ABHD13: variants seen among roughly 807,000 people sequenced by gnomAD.
The protein encoded by ABHD13 is abhydrolase domain containing 13.
In ABHD13, 7 loss-of-function variants were observed where a neutral mutation model predicts 25.2. The ratio of observed to expected loss-of-function variants is 0.28; its 90% CI spans 0.16 to 0.52. The LOEUF is 0.52. ABHD13 is among the 20% of genes least tolerant of loss of function. ABHD13 has a pLI of 0.96. For synonymous variants in ABHD13, 133 were observed against 136.1 expected (o/e 0.98, Z 0.16); for missense variants, 302 against 402.7 (o/e 0.75, Z 2.14).
At chr13:108,223,665 T>C (rs1227569116) in intron 1 of ABHD13, among the ~76,000 whole-genome samples, 2 of 152,224 alleles carry the variant, frequency 1.3e-5, no homozygotes, top group Non-Finnish European at 1.5e-5. Context: ...GCATCATTAG[T>C]GCAAGTGTCA....
Position 108,229,437 on chromosome 13 carries a change from T to G in ABHD13, c.219T>G (p.Ser73=). The G allele has an allele frequency of 6.2e-7, 1 of 1,613,364 alleles. No homozygotes were observed. The highest frequency in any genetic ancestry group is 8.5e-7 in the Non-Finnish European group (1 of 1,179,558). ...VLLYFPEQPS[S]SRLYVPMPTG... ...TTTATTTTCCAGAACAGCCATCCTC[T>G]TCACGTCTTTATGTTCCCATGCCCA... Residue 73 remains serine (S), a synonymous_variant, in exon 2 of 2, where the codon TCT becomes TCG. Coordinates refer to ENST00000375898, the MANE Select transcript of ABHD13 (RefSeq NM_032859.3). The surrounding 1 kb of genome is among the most constrained non-coding windows in gnomAD (Gnocchi z 4.7).
chr13:108,231,983 T>G lies in ABHD13; in HGVS notation c.*1751T>G, dbSNP rs1192682546. On this transcript the variant is annotated 3_prime_UTR_variant, in exon 2 of 2. Coordinates refer to ENST00000375898, the MANE Select transcript of ABHD13 (RefSeq NM_032859.3). ...TCACCACAATTAAAGATTATTCTTG[T>G]CAGTCCTTGCTATGTAGAATGACTA... The G allele has an allele frequency of 3.6e-5, 6 of 166,896 alleles. No individual in the cohort carries two copies. The highest frequency in any genetic ancestry group is 7.2e-5 in the African/African-American group (3 of 41,456). The allele number at this position is 166,896 out of a possible 1,614,324, so 10.3% of individuals were successfully genotyped here.
Position 108,229,482 on chromosome 13 carries a change from C to G in ABHD13, c.264C>G (p.Asn88Lys), listed in dbSNP as rs1345161020. ...TGCCCACTGGCATTCCACATGAAAA[C>G]ATTTTCATCAGAACCAAAGATGGAA... ...VPMPTGIPHE[N>K]IFIRTKDGIR... The change falls in exon 2 of 2, where the codon AAC becomes AAG. Residue 88 changes from asparagine (N) to lysine (K), a missense_variant. Asn to Lys is a moderately conservative substitution (Grantham distance 94). Transcript: ENST00000375898. This position sits in a 1 kb window ranked among gnomAD's most constrained non-coding sequence, Gnocchi z 4.7. 2 of 1,613,518 alleles carry G rather than the reference C, an allele frequency of 1.2e-6. No individual in the cohort carries two copies. Among genetic ancestry groups the G allele is most frequent in the Non-Finnish European group, 1.7e-6 (2 of 1,179,584 alleles).
chr13:108,228,439 ATATT>A (rs1879718753), intron 1 of ABHD13, among the ~76,000 whole-genome samples: 1 of 152,016 alleles, frequency 6.6e-6, no homozygotes, highest in Non-Finnish European at 1.5e-5. Flanking sequence ...TAGCAATATG[ATATT>A]TATTTTTAAT....
At position 108,229,312 on chromosome 13, in the gene ABHD13, C is replaced by T. The variant is rs1486517693; in HGVS notation, c.94C>T (p.Pro32Ser). ...SWALCRISLL[P>S]LIVTFHLYGG... ...GGCTCTCTGCCGTATTTCTCTTTTA[C>T]CTTTAATAGTGACTTTTCATCTGTA... The change falls in exon 2 of 2, where the codon CCT becomes TCT. Residue 32 changes from proline (P) to serine (S), a missense_variant. By Grantham distance (74) the Pro-to-Ser change is moderately conservative. Transcript: ENST00000375898. This position sits in a 1 kb window ranked among gnomAD's most constrained non-coding sequence, Gnocchi z 4.7. 6.2e-7 allele frequency: 1 copy of T among 1,612,012 alleles called. No homozygotes were observed. The highest frequency in any genetic ancestry group is 8.5e-7 in the Non-Finnish European group (1 of 1,178,976).
chr13:108,226,281 A>G (rs1375924441), intron 1 of ABHD13, among the ~76,000 whole-genome samples: 1 of 152,224 alleles, frequency 6.6e-6, no homozygotes, highest in Non-Finnish European at 1.5e-5. Flanking sequence ...CATGCTCCAC[A>G]GGAAACAGTG....
At chr13:108,222,384 C>T (rs1473277350) in intron 1 of ABHD13, among the ~76,000 whole-genome samples, 2 of 151,812 alleles carry the variant, frequency 1.3e-5, no homozygotes. Context: ...GAAAATATTA[C>T]TGGGTAAAAA....
At chr13:108,222,264 A>G (rs1020336394) in intron 1 of ABHD13, among the ~76,000 whole-genome samples, 14 of 152,288 alleles carry the variant, frequency 9.2e-5, no homozygotes, top group African/African-American at 3.4e-4. Context: ...AGATTTGTCT[A>G]ATTTATTCTC....
chr13:108,229,528 A>G lies in ABHD13; in HGVS notation c.310A>G (p.Ile104Val), dbSNP rs756040875. The G allele has an allele frequency of 1.9e-6, 3 of 1,613,510 alleles. No homozygotes were observed. The highest frequency in any genetic ancestry group is 2.2e-5 in the South Asian group (2 of 91,060). Residue 104 changes from isoleucine (I) to valine (V), a missense_variant, in exon 2 of 2, where the codon ATA (isoleucine) becomes GTA (valine). Ile to Val is a conservative substitution (Grantham distance 29). Coordinates refer to ENST00000375898, the MANE Select transcript of ABHD13 (RefSeq NM_032859.3). The surrounding 1 kb of genome is among the most constrained non-coding windows in gnomAD (Gnocchi z 4.7). Reference sequence around the variant, plus strand: ...TGGAATACGTCTGAATCTTATTTTGATACGATACACTGGAGACAATTCACC... The same window carrying G: ...TGGAATACGTCTGAATCTTATTTTGGTACGATACACTGGAGACAATTCACC... ...KDGIRLNLILIRYTGDNSPYS... is the reference protein window; with the variant it reads ...KDGIRLNLILVRYTGDNSPYS...
intron 1 of ABHD13, among the ~76,000 whole-genome samples, chr13:108,221,538 A>G (rs529910617): frequency 1.3e-5 from 2 of 152,074 alleles, no homozygotes; most frequent in Non-Finnish European, 2.9e-5. Context: ...CTCCCTTTCC[A>G]CTTTTTACAG....
At chr13:108,219,395 A>G (rs956632463) in intron 1 of ABHD13, among the ~76,000 whole-genome samples, 1 of 152,244 alleles carries the variant, frequency 6.6e-6, no homozygotes, top group Non-Finnish European at 1.5e-5. Context: ...GTAACTGGAT[A>G]GAAAGAGATG....
intron 1 of ABHD13, among the ~76,000 whole-genome samples, chr13:108,222,048 C>G (rs557499799): frequency 1.3e-5 from 2 of 151,942 alleles, no homozygotes; most frequent in Admixed American, 6.6e-5. Flanking sequence ...CCATGTTGCC[C>G]GGACTAGTCT....
Position 108,229,231 on chromosome 13 carries a change from T to C in ABHD13, c.13T>C (p.Trp5Arg), listed in dbSNP as rs537159280. Reference protein sequence around the residue: MEKSWMLWNFVERWL... With the variant: MEKSRMLWNFVERWL... ...ACAGAGAGCTACAATGGAAAAGTCC[T>C]GGATGCTGTGGAACTTTGTTGAAAG... The change falls in exon 2 of 2, where the codon TGG becomes CGG. Residue 5 changes from tryptophan to arginine, a missense_variant. Transcript: ENST00000375898. The surrounding 1 kb of genome is among the most constrained non-coding windows in gnomAD (Gnocchi z 4.7). The C allele has an allele frequency of 1.0e-5, 16 of 1,554,182 alleles. No individual in the cohort carries two copies. Among genetic ancestry groups the C allele is most frequent in the East Asian group, 2.2e-5 (1 of 44,728 alleles).
chr13:108,224,647 G>A (rs957293070), intron 1 of ABHD13, among the ~76,000 whole-genome samples: 2 of 152,160 alleles, frequency 1.3e-5, no homozygotes, highest in African/African-American at 4.8e-5. Flanking sequence ...AGCTAACACT[G>A]TTAGCCAGCA....
rs143572758 is a variant in ABHD13 at position 108,221,344 on chromosome 13, G to C, written c.-21+2685G>C. Reference sequence around the variant, plus strand: ...TCCATTTCAGCTGTGCAGCTGGCATGGTTTCTTAACTTCCCAATGCTTAAC... The same window carrying C: ...TCCATTTCAGCTGTGCAGCTGGCATCGTTTCTTAACTTCCCAATGCTTAAC... On this transcript the variant is annotated intron_variant, in intron 1 of 1. Transcript: ENST00000375898. Among the ~76,000 whole-genome samples, 281 of 152,270 alleles carry C rather than the reference G, an allele frequency of 1.8e-3. 7 individuals carry two copies. In the East Asian group the frequency reaches 0.052, roughly 28 times the overall value.
At chr13:108,221,332 T>G (rs376325854) in intron 1 of ABHD13, among the ~76,000 whole-genome samples, 6 of 152,254 alleles carry the variant, frequency 3.9e-5, no homozygotes, top group Admixed American at 2.0e-4. Context: ...ATTTCAGCTG[T>G]GCAGCTGGCA....
intron 1 of ABHD13, among the ~76,000 whole-genome samples, chr13:108,224,113 C>T (rs1256437816): frequency 6.6e-6 from 1 of 152,206 alleles, no homozygotes; most frequent in Non-Finnish European, 1.5e-5. Context: ...AAAGATACAG[C>T]TAAGGTTTTG....
chr13:108,228,183 TTC>T (rs1407283852), intron 1 of ABHD13, among the ~76,000 whole-genome samples: 1 of 150,288 alleles, frequency 6.7e-6, no homozygotes, highest in Non-Finnish European at 1.5e-5. Flanking sequence ...TAACAAAAAA[TTC>T]TCTTTTAATA....
rs1019339472 is a variant in ABHD13 at position 108,232,578 on chromosome 13, G to T, written c.*2346G>T. On this transcript the variant is annotated 3_prime_UTR_variant, in exon 2 of 2. Coordinates refer to ENST00000375898, the MANE Select transcript of ABHD13 (RefSeq NM_032859.3). ...CTTCAGGAGTCACTCCTTTACTGTGGACCCATTGCTTAGTGGGAATGGAAG... is the reference window on the plus strand; with the variant it reads ...CTTCAGGAGTCACTCCTTTACTGTGTACCCATTGCTTAGTGGGAATGGAAG... The T allele has an allele frequency of 6.0e-5, 10 of 166,924 alleles. No individual in the cohort carries two copies. Among genetic ancestry groups the T allele is most frequent in the Admixed American group, 3.3e-4 (5 of 15,254 alleles). The allele number at this position is 166,924 out of a possible 1,614,324, so 10.3% of individuals were successfully genotyped here.
Sources: gnomAD v4.1 joint callset for allele counts (sites outside exome capture counted in the v4.1 genomes callset) on GRCh38, gnomAD v4.1.1 for gene constraint, Gnocchi (gnomAD v3.1) non-coding constraint, MANE v1.5 for transcripts, NCBI Gene and HGNC (gene_info 2026-07-23, HGNC 2026-07-21) for gene names.